Variants in ERGIC1 observed in about 807,000 individuals in gnomAD.
ERGIC1 encodes endoplasmic reticulum-Golgi intermediate compartment protein 1.
Under a neutral mutation model 38.3 loss-of-function variants are expected in ERGIC1, and 19 were observed. That is an observed-to-expected ratio of 0.50 (90% CI 0.35 to 0.73). The LOEUF is 0.73. Ranked by LOEUF, ERGIC1 falls within the 30% of genes least tolerant of loss-of-function variation. The pLI, the probability that ERGIC1 is intolerant of heterozygous loss-of-function variation, is 0.01. For synonymous variants in ERGIC1, 124 were observed against 157.6 expected, an observed-to-expected ratio of 0.79 and a Z score of 1.60; for missense variants, 294 against 389.2, an observed-to-expected ratio of 0.76 and a Z score of 2.06.
Position 172,926,441 on chromosome 5 carries a change from C to G in ERGIC1, c.481-68C>G, listed in dbSNP as rs111544018. ...GACCAGGTGGTACCTGGCCATCCCC[C>G]ACAACCAGGGCCAGGCCTGGAGGTG... On this transcript the variant is annotated intron_variant, in intron 6 of 9. Transcript: ENST00000393784. This position sits in a 1 kb window ranked among gnomAD's most constrained non-coding sequence, Gnocchi z 5.2. 1 of 1,588,390 alleles carries G rather than the reference C, an allele frequency of 6.3e-7. No homozygotes were observed. The highest frequency in any genetic ancestry group is 8.6e-7 in the Non-Finnish European group (1 of 1,157,726).
chr5:172,937,080 G>A (rs1763901919), intron 9 of ERGIC1: 1 of 152,144 alleles, frequency 6.6e-6, no homozygotes, highest in Non-Finnish European at 1.5e-5. Context: ...CCTCAGAACA[G>A]TTTTTTGCTG....
At chr5:172,939,865 C>T (rs1304594655) in intron 9 of ERGIC1, among the ~76,000 whole-genome samples, 1 of 151,894 alleles carries the variant, frequency 6.6e-6, no homozygotes, top group Non-Finnish European at 1.5e-5. Context: ...CACTCAGACA[C>T]ACACGTACAC....
chr5:172,895,003 C>A (rs1469146648), intron 2 of ERGIC1, among the ~76,000 whole-genome samples: 1 of 152,204 alleles, frequency 6.6e-6, no homozygotes, highest in Admixed American at 6.5e-5. Context: ...TAGATACAGA[C>A]TAAGAAAAAT....
At chr5:172,871,260 A>G (rs1014972122) in intron 1 of ERGIC1, among the ~76,000 whole-genome samples, 1 of 152,168 alleles carries the variant, frequency 6.6e-6, no homozygotes, top group East Asian at 1.9e-4. Flanking sequence ...CTCTGACCTC[A>G]CTGGCCACTC....
rs144336812 is a variant in ERGIC1 at position 172,840,220 on chromosome 5, G to T, written c.20+5787G>T. ...TTACCTGCTCGCGGGGACATGGAAT[G>T]AGATGGAATGTCCTCTCCTCCCAAG... On this transcript the variant is annotated intron_variant, in intron 1 of 9. Coordinates refer to ENST00000393784, the MANE Select transcript of ERGIC1 (RefSeq NM_001031711.3). Among the ~76,000 whole-genome samples, 264 of 152,332 alleles carry T rather than the reference G, an allele frequency of 1.7e-3. 1 individual carries two copies. Among genetic ancestry groups the T allele is most frequent in the Non-Finnish European group, 3.1e-3 (208 of 68,040 alleles).
chr5:172,927,387 G>A (rs752980273), intron 7 of ERGIC1, among the ~76,000 whole-genome samples: 43 of 152,200 alleles, frequency 2.8e-4, no homozygotes, highest in Admixed American at 1.2e-3. Context: ...CTGCCCCCCC[G>A]ACAAATCGAA....
At chr5:172,925,099 G>A (rs571725115) in intron 6 of ERGIC1, among the ~76,000 whole-genome samples, 5 of 152,204 alleles carry the variant, frequency 3.3e-5, no homozygotes, top group Admixed American at 2.6e-4. Flanking sequence ...TTAGCCGGGC[G>A]TGGTGGCAGG....
chr5:172,920,157 C>A (rs987798534), intron 5 of ERGIC1, among the ~76,000 whole-genome samples: 2 of 152,164 alleles, frequency 1.3e-5, no homozygotes, highest in African/African-American at 4.8e-5. Context: ...GCCTAGGGCA[C>A]CCTCTGCCCC....
At chr5:172,940,110 G>A (rs1280726917) in intron 9 of ERGIC1, among the ~76,000 whole-genome samples, 1 of 152,180 alleles carries the variant, frequency 6.6e-6, no homozygotes, top group Non-Finnish European at 1.5e-5. Flanking sequence ...AGGCAGCTGT[G>A]GGTGGGCTGG....
rs1163415127 is a variant in ERGIC1 at position 172,909,651 on chromosome 5, C to G, written c.156-16C>G. 6.2e-7 allele frequency: 1 copy of G among 1,613,000 alleles called. No individual in the cohort carries two copies. The highest frequency in any genetic ancestry group is 8.5e-7 in the Non-Finnish European group (1 of 1,179,038). On this transcript the variant is annotated splice_polypyrimidine_tract_variant and intron_variant, in intron 3 of 9. Transcript: ENST00000393784. ...CGCCATCTCAACAAAGGTTCCTATA[C>G]TTGTCTTTCCCCTAGTGTGAACGAG...
At chr5:172,887,131 G>A (rs894288171) in intron 1 of ERGIC1, among the ~76,000 whole-genome samples, 5 of 152,274 alleles carry the variant, frequency 3.3e-5, no homozygotes, top group East Asian at 3.9e-4. Flanking sequence ...TTCAAGCATC[G>A]GCCCTTACGC....
At chr5:172,889,489 T>A (rs953626638) in intron 2 of ERGIC1, among the ~76,000 whole-genome samples, 1 of 151,754 alleles carries the variant, frequency 6.6e-6, no homozygotes, top group African/African-American at 2.4e-5. Flanking sequence ...CTTGGAGAAA[T>A]GGCTGATTTC....
intron 1 of ERGIC1, among the ~76,000 whole-genome samples, chr5:172,835,438 TA>T (rs1761010964): frequency 6.6e-6 from 1 of 151,956 alleles, no homozygotes; most frequent in Admixed American, 6.6e-5. Flanking sequence ...GGGCTAAAAA[TA>T]AGGTCTCCGC....
chr5:172,943,029 C>T (rs1764045857), intron 9 of ERGIC1, among the ~76,000 whole-genome samples: 1 of 152,302 alleles, frequency 6.6e-6, no homozygotes, highest in East Asian at 1.9e-4. Context: ...CCTTTGCAGC[C>T]TCCCAAACCT....
At chr5:172,914,504 C>G in intron 4 of ERGIC1, 1 of 743,362 alleles carries the variant, frequency 1.3e-6, no homozygotes, top group Non-Finnish European at 2.2e-6. Context: ...CCCCGGGACC[C>G]CTACTATGCA....
rs147572946 is a variant in ERGIC1 at position 172,926,542 on chromosome 5, G to C, written c.514G>C (p.Gly172Arg). The C allele has an allele frequency of 1.2e-6, 2 of 1,613,064 alleles. No homozygotes were observed. The highest frequency in any genetic ancestry group is 2.7e-5 in the African/African-American group (2 of 75,002). ...QNIHGAFNAL[G>R]GADRLTSNPL... Reference sequence around the variant, plus strand: ...CATCCACGGAGCTTTCAATGCTCTCGGGGGAGCAGACAGACTCACCTCCAA... The same window carrying C: ...CATCCACGGAGCTTTCAATGCTCTCCGGGGAGCAGACAGACTCACCTCCAA... The change falls in exon 7 of 10, where the codon GGG becomes CGG. Residue 172 changes from glycine (G) to arginine (R), a missense_variant. By Grantham distance (125) the Gly-to-Arg change is moderately radical. Around this residue, in one of 3 missense-constraint regions of ERGIC1, gnomAD observed 109 missense variants for 112.7 expected, o/e 0.97. Transcript: ENST00000393784. The surrounding 1 kb of genome is among the most constrained non-coding windows in gnomAD (Gnocchi z 5.2).
At chr5:172,889,390 C>T (rs897996762) in intron 2 of ERGIC1, among the ~76,000 whole-genome samples, 1 of 151,680 alleles carries the variant, frequency 6.6e-6, no homozygotes, top group Non-Finnish European at 1.5e-5. Flanking sequence ...TCCACCAAAG[C>T]ATGTTTTTAT....
At chr5:172,929,606 G>A (rs902882517) in intron 7 of ERGIC1, among the ~76,000 whole-genome samples, 22 of 152,094 alleles carry the variant, frequency 1.4e-4, no homozygotes, top group Admixed American at 1.3e-3. Context: ...TTAAGAGAGT[G>A]TACAAAAATC....
At chr5:172,948,932 T>C (rs1458776097) in intron 9 of ERGIC1, among the ~76,000 whole-genome samples, 1 of 152,128 alleles carries the variant, frequency 6.6e-6, no homozygotes, top group Non-Finnish European at 1.5e-5. Flanking sequence ...GCATCACCTG[T>C]AATCCTGGCT....
Sources: allele counts gnomAD v4.1 joint callset (sites outside exome capture counted in the v4.1 genomes callset), GRCh38; gene constraint gnomAD v4.1.1; regional missense constraint gnomAD v4.1.1; non-coding constraint Gnocchi (gnomAD v3.1); transcripts MANE v1.5; gene names NCBI Gene and HGNC (gene_info 2026-07-23, HGNC 2026-07-21).